The following TPGS2 variants were observed in gnomAD, a reference collection of about 807,000 sequenced individuals.
TPGS2 encodes the protein tubulin polyglutamylase complex subunit 2, also known as polyglutamylase subunit 2.
Under a neutral mutation model 31.1 loss-of-function variants are expected in TPGS2, and 26 were observed. The ratio of observed to expected loss-of-function variants is 0.84; its 90% CI spans 0.61 to 1.16. The LOEUF (loss-of-function observed/expected upper bound fraction) is 1.16. Among genes scored for constraint, TPGS2 ranks in the 50% most tolerant of loss-of-function variants. TPGS2 has a pLI of 0.00. For missense variants in TPGS2, 351 were observed against 363.8 expected (o/e 0.96, Z 0.29); for synonymous variants, 130 against 136.6 (o/e 0.95, Z 0.34).
chr18:36,818,929 G>A lies in TPGS2; in HGVS notation c.130C>T (p.Pro44Ser). 1.2e-6 allele frequency: 2 copies of A among 1,613,820 alleles called. No individual in the cohort carries two copies. The highest frequency in any genetic ancestry group is 1.7e-6 in the Non-Finnish European group (2 of 1,179,790). ...VTEVTIIEKP[P>S]AERHMISSWE... ...GAAGAAATCATATGACGTTCAGCAG[G>A]AGGCTTTTCTATGATGGTCACCTCA... Residue 44 changes from proline (P) to serine (S), a missense_variant, in exon 2 of 7, where the codon CCT becomes TCT. Pro to Ser is a moderately conservative substitution (Grantham distance 74). Transcript: ENST00000334295.
At chr18:36,783,489 T>C (rs2044062979) in intron 6 of TPGS2, among the ~76,000 whole-genome samples, 1 of 152,198 alleles carries the variant, frequency 6.6e-6, no homozygotes, top group Admixed American at 6.5e-5. Flanking sequence ...TTTGGAATAT[T>C]AAGGTTTTTT....
intron 6 of TPGS2, chr18:36,788,550 G>A (rs2044202985): frequency 6.6e-6 from 1 of 152,188 alleles, no homozygotes; most frequent in South Asian, 2.1e-4. Context: ...TTGCTTGAGG[G>A]ATGGGGTTTC....
intron 6 of TPGS2, among the ~76,000 whole-genome samples, chr18:36,797,735 C>G: frequency 6.6e-6 from 1 of 151,280 alleles, no homozygotes; most frequent in South Asian, 2.1e-4. Flanking sequence ...CGAAGGAGCC[C>G]AGATGAGCTC....
chr18:36,818,689 C>T (rs1446540722), intron 2 of TPGS2: 1 of 487,568 alleles, frequency 2.1e-6, no homozygotes. Flanking sequence ...GAGTGGGGCT[C>T]AGGGGAAACA....
downstream of TPGS2, among the ~76,000 whole-genome samples, chr18:36,792,671 G>A (rs2044356119): frequency 6.6e-6 from 1 of 152,162 alleles, no homozygotes; most frequent in Non-Finnish European, 1.5e-5. Context: ...TAGTATGTCT[G>A]GAGGGGGATC....
chr18:36,794,360 CA>C lies in TPGS2; in HGVS notation c.*2444del, dbSNP rs1019620901. 1.8e-5 allele frequency: 18 copies of C among 985,512 alleles called. No homozygotes were observed. In the African/African-American group the frequency reaches 2.6e-4, roughly 14 times the overall value. The allele number at this position is 985,512 out of a possible 1,614,324, so 61.0% of individuals were successfully genotyped here. A position where few individuals can be genotyped will look rare whatever the true frequency, so the allele number is the denominator to read the frequency against. ...AGGCAGGTCTTGAGCCTTTCCTTAT[CA>C]TAACCCCCTTCCTTTGATAGCCTTT... On this transcript the variant is annotated 3_prime_UTR_variant, in exon 7 of 7. Transcript: ENST00000334295.
At position 36,828,875 on chromosome 18, in the gene TPGS2, T is replaced by C; in HGVS notation, c.-108A>G. On this transcript the variant is annotated 5_prime_UTR_variant, in exon 1 of 7. Transcript: ENST00000334295. ...GCCGGGAACGGTAGTTCTCGGCGCC[T>C]GAAAGCGCGGCGCAGTGATGATGGG... 7.2e-7 allele frequency: 1 copy of C among 1,380,354 alleles called. No homozygotes were observed. The highest frequency in any genetic ancestry group is 9.9e-7 in the Non-Finnish European group (1 of 1,011,000). 85.5% of individuals were successfully genotyped at this position (1,380,354 alleles called of 1,614,324 possible).
At chr18:36,824,587 A>AT (rs1358494852) in intron 1 of TPGS2, among the ~76,000 whole-genome samples, 2 of 152,168 alleles carry the variant, frequency 1.3e-5, no homozygotes, top group Non-Finnish European at 2.9e-5. Flanking sequence ...GTGAAATCTC[A>AT]TTATGGTTTT....
Position 36,807,545 on chromosome 18 carries a change from A to C in TPGS2, c.253+302T>G, listed in dbSNP as rs578176817. The C allele has an allele frequency of 1.6e-5, 6 of 372,134 alleles. No individual in the cohort carries two copies. In the Admixed American group the frequency reaches 2.3e-4, roughly 14 times the overall value. 23.1% of individuals were successfully genotyped at this position (372,134 alleles called of 1,614,324 possible). ...GGAGGTAGAGCCCTCTGAGGCTTTA[A>C]GTTTGAGGTGGCTAGGGTTTTTTAT... is the stretch of plus-strand genomic sequence containing the variant. On this transcript the variant is annotated intron_variant, in intron 3 of 6. Transcript: ENST00000334295.
chr18:36,806,604 G>C (rs2150602235), intron 3 of TPGS2, among the ~76,000 whole-genome samples: 1 of 152,234 alleles, frequency 6.6e-6, no homozygotes, highest in East Asian at 1.9e-4. Flanking sequence ...TGTAATCCCA[G>C]CACTTTGGGA....
At chr18:36,797,921 T>G (rs934781039) in intron 6 of TPGS2, 1 of 158,276 alleles carries the variant, frequency 6.3e-6, no homozygotes, top group African/African-American at 2.4e-5. Context: ...TGAAAGGGAA[T>G]AAGCCCCAAG....
At chr18:36,828,585 T>C in intron 1 of TPGS2, 98 bp downstream of exon 1, 1 of 1,357,004 alleles carries the variant, frequency 7.4e-7, no homozygotes, top group Non-Finnish European at 1.0e-6. Context: ...CCACTCCTGT[T>C]CTGGGGCCAG....
Position 36,796,904 on chromosome 18 carries a change from C to G in TPGS2, c.804G>C (p.Gln268His). ...AGGGCCCTTTCTGGCCACCTGCAGG[C>G]TGCACAGGCCCTTTCTTTTTTGGGA... Reference protein sequence around the residue: ...IVIPKKKGPVQPAGGQKGPSG... With the variant: ...IVIPKKKGPVHPAGGQKGPSG... Residue 268 changes from glutamine (Q) to histidine (H), a missense_variant, in exon 7 of 7, where the codon CAG (glutamine) becomes CAC (histidine). Gln to His is a conservative substitution (Grantham distance 24, BLOSUM62 0). Transcript: ENST00000334295. 1 of 1,610,910 alleles carries G rather than the reference C, an allele frequency of 6.2e-7. No individual in the cohort carries two copies. Among genetic ancestry groups the G allele is most frequent in the Middle Eastern group, 1.7e-4 (1 of 6,058 alleles).
chr18:36,796,921 T>C lies in TPGS2; in HGVS notation c.787A>G (p.Lys263Glu). The change falls in exon 7 of 7, where the codon AAG becomes GAG. Residue 263 changes from lysine to glutamate, a missense_variant. Transcript: ENST00000334295. ...KSKNKIVIPKKKGPVQPAGGQ... is the reference protein window; with the variant it reads ...KSKNKIVIPKEKGPVQPAGGQ... Reference sequence around the variant, plus strand: ...CCTGCAGGCTGCACAGGCCCTTTCTTTTTTGGGATTACGATCTTGTTCTTG... The same window carrying C: ...CCTGCAGGCTGCACAGGCCCTTTCTCTTTTGGGATTACGATCTTGTTCTTG... 1 of 1,609,908 alleles carries C rather than the reference T, an allele frequency of 6.2e-7. No homozygotes were observed. Among genetic ancestry groups the C allele is most frequent in the East Asian group, 2.2e-5 (1 of 44,824 alleles).
intron 2 of TPGS2, 127 bp downstream of exon 2, chr18:36,818,767 G>A: frequency 2.4e-6 from 2 of 837,956 alleles, no homozygotes; most frequent in South Asian, 3.8e-5. Flanking sequence ...ACATAGAAAA[G>A]GTAAACTCTA....
chr18:36,785,952 G>A (rs1214570858), intron 6 of TPGS2, among the ~76,000 whole-genome samples: 1 of 152,186 alleles, frequency 6.6e-6, no homozygotes, highest in African/African-American at 2.4e-5. Context: ...AACAGTTACA[G>A]GAGAAGCTAT....
rs1437952199 is a variant in TPGS2, at chr18:36,794,909, G to A, written c.*1896C>T. The A allele has an allele frequency of 2.0e-6, 2 of 983,828 alleles. No homozygotes were observed. Among genetic ancestry groups the A allele is most frequent in the African/African-American group, 3.5e-5 (2 of 56,404 alleles). The allele number at this position is 983,828 out of a possible 1,614,324, so 60.9% of individuals were successfully genotyped here. A position where few individuals can be genotyped will look rare whatever the true frequency, so the allele number is the denominator to read the frequency against. On this transcript the variant is annotated 3_prime_UTR_variant, in exon 7 of 7. Transcript: ENST00000334295. ...TTTAAATGACCACACTGAATTATAA[G>A]TGGTTAGTTTTGGGATTGAAAAGGT...
intron 1 of TPGS2, among the ~76,000 whole-genome samples, chr18:36,822,520 G>C (rs1255905579): frequency 6.6e-6 from 1 of 152,146 alleles, no homozygotes; most frequent in Non-Finnish European, 1.5e-5. Context: ...GTTTGATTTA[G>C]GTATGTTTTT....
chr18:36,798,657 TTTTTTC>T, intron 5 of TPGS2, 48 bp from the exon 6 acceptor site: 2 of 1,581,976 alleles, frequency 1.3e-6, no homozygotes, highest in African/African-American at 1.4e-5. Flanking sequence ...AGCTTAACAG[TTTTTTC>T]TTTTTAACTG....
Sources: gnomAD v4.1 joint callset for allele counts (sites outside exome capture counted in the v4.1 genomes callset) on GRCh38, gnomAD v4.1.1 for gene constraint, MANE v1.5 for transcripts, NCBI Gene and HGNC (gene_info 2026-07-23, HGNC 2026-07-21) for gene names.